Variants in FAM13C observed in about 807,000 individuals in gnomAD.
FAM13C encodes protein FAM13C.
FAM13C carries 37 observed loss-of-function variants against 73.2 expected under a neutral mutation model. The observed-to-expected ratio is 0.51, with a 90% CI of 0.39 to 0.67. The LOEUF is 0.67. Ranked by LOEUF, FAM13C falls within the 30% of genes least tolerant of loss-of-function variation. FAM13C has a pLI of 0.00. For synonymous variants in FAM13C, 246 were observed against 260.9 expected (o/e 0.94, Z 0.55); for missense variants, 589 against 715.6 (o/e 0.82, Z 2.02).
intron 3 of FAM13C, among the ~76,000 whole-genome samples, chr10:59,330,712 C>T (rs771618457): frequency 6.6e-6 from 1 of 152,194 alleles, no homozygotes; most frequent in Non-Finnish European, 1.5e-5. Context: ...TCCTGCCCCA[C>T]TGAGGAGTTA....
intron 6 of FAM13C, among the ~76,000 whole-genome samples, chr10:59,272,729 C>T (rs1050924559): frequency 6.6e-6 from 1 of 152,102 alleles, no homozygotes; most frequent in Non-Finnish European, 1.5e-5. Context: ...CATTGTTTGG[C>T]CTGTCTTCCT....
At position 59,324,063 on chromosome 10, in the gene FAM13C, C is replaced by G. The variant is rs1302187254; in HGVS notation, c.368G>C (p.Arg123Thr). The G allele has an allele frequency of 1.2e-6, 2 of 1,614,076 alleles. No individual in the cohort carries two copies. The highest frequency in any genetic ancestry group is 4.5e-5 in the East Asian group (2 of 44,868). ...VVSSQSECQVRAGTPAHESPQ... is the reference protein window; with the variant it reads ...VVSSQSECQVTAGTPAHESPQ... ...ACTCTCATGAGCTGGTGTTCCTGCT[C>G]TCACCTGACACTCTGACTGGCTGGA... is the stretch of plus-strand genomic sequence containing the variant. The change falls in exon 4 of 14, where the codon AGA (arginine) becomes ACA (threonine). Residue 123 changes from arginine to threonine, a missense_variant. Transcript: ENST00000618804.
At chr10:59,263,596 A>G (rs577729573) in intron 9 of FAM13C, among the ~76,000 whole-genome samples, 53 of 152,304 alleles carry the variant, frequency 3.5e-4, no homozygotes, top group African/African-American at 1.2e-3. Flanking sequence ...TAATACTCTC[A>G]CCACCATCTC....
chr10:59,312,929 T>A (rs73300162), intron 4 of FAM13C, among the ~76,000 whole-genome samples: 19,301 of 152,142 alleles, frequency 0.13, 1,319 homozygotes, highest in South Asian at 0.17. Context: ...CATGCCCCCA[T>A]GTCACCCAAC....
chr10:59,277,440 C>T (rs1379896358), intron 6 of FAM13C, among the ~76,000 whole-genome samples: 1 of 152,082 alleles, frequency 6.6e-6, no homozygotes, highest in Non-Finnish European at 1.5e-5. Flanking sequence ...TATACTTTGC[C>T]CAGTTTCTTC....
chr10:59,329,342 G>GTTTTTTTTTTTTTT (rs71006247), intron 3 of FAM13C, among the ~76,000 whole-genome samples: 1 of 77,298 alleles, frequency 1.3e-5, no homozygotes, highest in Non-Finnish European at 2.5e-5. Context: ...TTTCTTTCTG[G>GTTTTTTTTTTTTTT]TTTTTTTTTT....
chr10:59,264,099 C>G lies in FAM13C; in HGVS notation c.1010G>C (p.Arg337Pro). 1 of 1,612,630 alleles carries G rather than the reference C, an allele frequency of 6.2e-7. No individual in the cohort carries two copies. Among genetic ancestry groups the G allele is most frequent in the Non-Finnish European group, 8.5e-7 (1 of 1,179,274 alleles). The stretch of plus-strand genomic sequence containing the variant: ...CTGGGATTTACCTTTGAGCTGTTTA[C>G]GACCTTTAGCCAAATCATTCATCCA... ...LKWMNDLAKG[R>P]KQLKELKLKL... The change falls in exon 9 of 14, where the codon CGT (arginine) becomes CCT (proline). Residue 337 changes from arginine (R) to proline (P), a missense_variant. Transcript: ENST00000618804.
At chr10:59,282,201 C>T (rs1457201939) in intron 6 of FAM13C, 1 of 152,158 alleles carries the variant, frequency 6.6e-6, no homozygotes, top group Non-Finnish European at 1.5e-5. Flanking sequence ...AATGGTAGTA[C>T]TTCACAGGTC....
At chr10:59,361,070 A>G (rs759366743) in intron 1 of FAM13C, 2 of 1,289,326 alleles carry the variant, frequency 1.6e-6, no homozygotes, top group South Asian at 2.5e-5. Flanking sequence ...TTCGGCCTGC[A>G]GATGCACACT....
intron 5 of FAM13C, among the ~76,000 whole-genome samples, chr10:59,287,221 C>T (rs1268639203): frequency 6.7e-6 from 1 of 149,912 alleles, no homozygotes; most frequent in Non-Finnish European, 1.5e-5. Flanking sequence ...CCAGTAGTCC[C>T]AGCTACTCGG....
At chr10:59,299,382 C>T (rs1847291112) in intron 5 of FAM13C, among the ~76,000 whole-genome samples, 1 of 152,076 alleles carries the variant, frequency 6.6e-6, no homozygotes, top group South Asian at 2.1e-4. Context: ...CCTTTTGACC[C>T]TCACTGTTGA....
At chr10:59,317,145 TG>T in intron 4 of FAM13C, among the ~76,000 whole-genome samples, 1 of 151,872 alleles carries the variant, frequency 6.6e-6, no homozygotes. Flanking sequence ...TGTGTGTGTG[TG>T]TGTGTGTGTA....
rs1848633342 is a variant in FAM13C at position 59,309,097 on chromosome 10, C to T, written c.444-6233G>A. On this transcript the variant is annotated intron_variant, in intron 4 of 13. Transcript: ENST00000618804. ...CTATTTCAGTGAAAAGCTTCCCCAT[C>T]TTGCCAATGGCTCATGGAAGACAAC... Among the ~76,000 whole-genome samples, 4 of 152,236 alleles carry T rather than the reference C, an allele frequency of 2.6e-5. No individual in the cohort carries two copies. In the South Asian group the frequency reaches 8.3e-4, roughly 31 times the overall value.
At chr10:59,284,479 C>T (rs969807484) in intron 5 of FAM13C, among the ~76,000 whole-genome samples, 1 of 151,876 alleles carries the variant, frequency 6.6e-6, no homozygotes, top group Admixed American at 6.6e-5. Flanking sequence ...CACAGGCACA[C>T]ACACACCTAC....
chr10:59,269,447 CACAT>C (rs1165393492), intron 7 of FAM13C, among the ~76,000 whole-genome samples: 1 of 151,380 alleles, frequency 6.6e-6, no homozygotes, highest in Non-Finnish European at 1.5e-5. Flanking sequence ...CACACACACA[CACAT>C]TATTTGGATG....
chr10:59,328,519 C>T (rs1267495876), intron 3 of FAM13C, among the ~76,000 whole-genome samples: 1 of 147,798 alleles, frequency 6.8e-6, no homozygotes, highest in South Asian at 2.1e-4. Context: ...AAACAATATT[C>T]CATTCTAATC....
chr10:59,363,042 TTG>T, upstream of FAM13C: 1 of 160,838 alleles, frequency 6.2e-6, no homozygotes, highest in Non-Finnish European at 1.3e-5. Flanking sequence ...GTGTTTTATT[TTG>T]TGTGTGTGTT....
chr10:59,282,846 G>C, intron 6 of FAM13C: 1 of 151,976 alleles, frequency 6.6e-6, no homozygotes, highest in Non-Finnish European at 1.5e-5. Flanking sequence ...AAAAAAAATG[G>C]AAACCAAACA....
intron 3 of FAM13C, among the ~76,000 whole-genome samples, chr10:59,336,606 A>T (rs982871190): frequency 1.3e-5 from 2 of 152,204 alleles, no homozygotes; most frequent in Non-Finnish European, 2.9e-5. Context: ...CTGGAAAAAC[A>T]AATAGTGGCC....
Sources: gnomAD v4.1 joint callset for allele counts (sites outside exome capture counted in the v4.1 genomes callset) on GRCh38, gnomAD v4.1.1 for gene constraint, MANE v1.5 for transcripts, NCBI Gene and HGNC (gene_info 2026-07-23, HGNC 2026-07-21) for gene names.